ATP11A: variants seen among roughly 807,000 people sequenced by gnomAD.
ATP11A encodes ATPase phospholipid transporting 11A, also known as phospholipid-transporting ATPase IH.
In ATP11A, 81 loss-of-function variants were observed where a neutral mutation model predicts 154.4. That is an observed-to-expected ratio of 0.52 (90% confidence interval 0.44 to 0.63). The LOEUF is 0.63. ATP11A is among the 30% of genes least tolerant of loss of function. ATP11A has a pLI of 0.00. For missense variants in ATP11A, 1,316 were observed against 1,474.3 expected (o/e 0.89, Z 1.76); for synonymous variants, 623 against 585.9 (o/e 1.06, Z -0.91).
chr13:112,829,028 C>T (rs1476110217), intron 12 of ATP11A, among the ~76,000 whole-genome samples: 3 of 152,232 alleles, frequency 2.0e-5, no homozygotes, highest in Admixed American at 2.0e-4. Context: ...CTTTATGCAC[C>T]TTCTCTGTAT....
intron 12 of ATP11A, among the ~76,000 whole-genome samples, chr13:112,827,567 C>T (rs2078965205): frequency 6.6e-6 from 1 of 152,244 alleles, no homozygotes; most frequent in Non-Finnish European, 1.5e-5. Flanking sequence ...CCCTGGGTTT[C>T]CCCAGCCTAG....
intron 14 of ATP11A, 101 bp downstream of exon 14, chr13:112,833,124 C>T (rs539700776): frequency 6.3e-6 from 9 of 1,432,358 alleles, no homozygotes; most frequent in African/African-American, 5.6e-5. Flanking sequence ...TCAGCCCCAC[C>T]CTGTGCCCTC....
At chr13:112,731,549 A>G (rs1890483627) in intron 1 of ATP11A, among the ~76,000 whole-genome samples, 1 of 152,150 alleles carries the variant, frequency 6.6e-6, no homozygotes, top group Non-Finnish European at 1.5e-5. Context: ...TAAAGTTTTA[A>G]GTGTGACGAT....
intron 2 of ATP11A, among the ~76,000 whole-genome samples, chr13:112,786,876 C>T (rs1033208353): frequency 2.0e-5 from 3 of 152,358 alleles, no homozygotes; most frequent in African/African-American, 7.2e-5. Flanking sequence ...ACCAAGTGTC[C>T]TGATGTGTAG....
chr13:112,877,371 TTA>T (rs1290939538), intron 28 of ATP11A, among the ~76,000 whole-genome samples: 4 of 152,222 alleles, frequency 2.6e-5, no homozygotes, highest in African/African-American at 9.7e-5. Context: ...CGGTCCTTGG[TTA>T]CTGAGCTCTT....
intron 10 of ATP11A, 82 bp downstream of exon 10, chr13:112,824,507 T>A (rs2078882836): frequency 7.9e-7 from 1 of 1,270,596 alleles, no homozygotes; most frequent in African/African-American, 1.5e-5. Context: ...CCTCTTGGCC[T>A]TATTGGCAGT....
chr13:112,846,778 G>T (rs1457117990), intron 17 of ATP11A, among the ~76,000 whole-genome samples: 2 of 152,186 alleles, frequency 1.3e-5, no homozygotes, highest in East Asian at 3.9e-4. Flanking sequence ...TTGTTCTGGG[G>T]TGTGGCTGAG....
chr13:112,785,063 G>GGC lies in ATP11A; in HGVS notation c.40-71_40-70dup. On this transcript the variant is annotated intron_variant, in intron 1 of 29. Coordinates refer to ENST00000375645, the MANE Select transcript of ATP11A (RefSeq NM_015205.3). The surrounding 1 kb of genome is among the most constrained non-coding windows in gnomAD (Gnocchi z 4.8). ...CTCCGTTCCGACGAACGTGCCTCAAGGCAACACTCTGGGCAAGAGCTTTTG... is the reference window on the plus strand; with the variant it reads ...CTCCGTTCCGACGAACGTGCCTCAAGGCGCAACACTCTGGGCAAGAGCTTTTG... 1 of 1,375,142 alleles carries GGC rather than the reference G, an allele frequency of 7.3e-7. No homozygotes were observed. Among genetic ancestry groups the GGC allele is most frequent in the Non-Finnish European group, 9.5e-7 (1 of 1,055,098 alleles). 85.2% of individuals were successfully genotyped at this position (1,375,142 alleles called of 1,614,324 possible). A position where few individuals can be genotyped will look rare whatever the true frequency, so the allele number is the denominator to read the frequency against.
intron 2 of ATP11A, among the ~76,000 whole-genome samples, chr13:112,786,816 A>G (rs915251572): frequency 1.1e-4 from 17 of 152,284 alleles, no homozygotes; most frequent in Non-Finnish European, 8.8e-5. Flanking sequence ...CATTTAATTT[A>G]CATTGGGTGT....
At position 112,871,735 on chromosome 13, in the gene ATP11A, A is replaced by T. The variant is rs778261271; in HGVS notation, c.2992A>T (p.Ile998Leu). ...GACTTGGACTATTTTCCCCAAACAG[A>T]TATTTGGAAACTGGACGTTTGGAAC... ...ENTTVTSNGQ[I>L]FGNWTFGTLV... The change falls in exon 26 of 30, where the codon ATA (isoleucine) becomes TTA (leucine). Residue 998 changes from isoleucine (I) to leucine (L), a missense_variant and splice_region_variant. Around this residue, in one of 5 missense-constraint regions of ATP11A, gnomAD observed 294 missense variants for 290.2 expected, o/e 1.01. Transcript: ENST00000375645. The T allele has an allele frequency of 6.2e-7, 1 of 1,613,584 alleles. No individual in the cohort carries two copies. Among genetic ancestry groups the T allele is most frequent in the South Asian group, 1.1e-5 (1 of 91,084 alleles).
At chr13:112,834,120 G>A (rs964098750) in intron 14 of ATP11A, among the ~76,000 whole-genome samples, 6 of 152,372 alleles carry the variant, frequency 3.9e-5, no homozygotes, top group East Asian at 1.9e-4. Flanking sequence ...GTGCACCCAC[G>A]TGCTGGCTGA....
Position 112,810,672 on chromosome 13 carries a change from T to A in ATP11A, c.387T>A (p.Pro129=). ...HKADNAMNQC[P]VHFIQHGKLV... ...CAGACAATGCCATGAACCAGTGTCCTGTTCATTTCATTCAGCACGGCAAGC... is the reference window on the plus strand; with the variant it reads ...CAGACAATGCCATGAACCAGTGTCCAGTTCATTTCATTCAGCACGGCAAGC... The change falls in exon 5 of 30, where the codon CCT becomes CCA. Residue 129 remains proline (P), a synonymous_variant. Coordinates refer to ENST00000375645, the MANE Select transcript of ATP11A (RefSeq NM_015205.3). 3 of 1,614,220 alleles carry A rather than the reference T, an allele frequency of 1.9e-6. No individual in the cohort carries two copies.
rs2140223604 is a variant in ATP11A, at chr13:112,825,501, A to G, written c.944A>G (p.Lys315Arg). 1.2e-6 allele frequency: 2 copies of G among 1,614,028 alleles called. No individual in the cohort carries two copies. The highest frequency in any genetic ancestry group is 2.2e-5 in the East Asian group (1 of 44,888). Residue 315 changes from lysine to arginine, a missense_variant, in exon 11 of 30, where the codon AAA (lysine) becomes AGA (arginine). Lys to Arg is a conservative substitution (Grantham distance 26). Transcript: ENST00000375645. Reference sequence around the variant, plus strand: ...AAAGCCCTGATAAACACTGTGCTGAAATACATGTGGCAGAGTGAGCCCTTT... The same window carrying G: ...AAAGCCCTGATAAACACTGTGCTGAGATACATGTGGCAGAGTGAGCCCTTT... ...ISKALINTVL[K>R]YMWQSEPFRD...
At chr13:112,824,964 G>A (rs1287662054) in intron 10 of ATP11A, among the ~76,000 whole-genome samples, 1 of 152,164 alleles carries the variant, frequency 6.6e-6, no homozygotes, top group African/African-American at 2.4e-5. Flanking sequence ...CTGTACTGAG[G>A]ACACTTCCTT....
At chr13:112,854,141 T>A (rs1304591838) in intron 18 of ATP11A, 138 bp from the exon 19 acceptor site, 2 of 1,163,498 alleles carry the variant, frequency 1.7e-6, no homozygotes, top group African/African-American at 3.1e-5. Context: ...GGTGAGATCA[T>A]GAGCCACAGT....
chr13:112,750,402 G>A (rs527386852), intron 1 of ATP11A, among the ~76,000 whole-genome samples: 10 of 34,852 alleles, frequency 2.9e-4, no homozygotes, highest in Non-Finnish European at 3.4e-4. Context: ...TCTTAGGGAA[G>A]GAGAGTCTCC....
chr13:112,881,681 G>C, intron 29 of ATP11A, 195 bp from the exon 30 acceptor site: 1 of 1,246,852 alleles, frequency 8.0e-7, no homozygotes, highest in Non-Finnish European at 1.0e-6. Flanking sequence ...CTCAGGACGA[G>C]GGTGTGTCCT....
chr13:112,700,504 C>T (rs557341628), intron 1 of ATP11A, among the ~76,000 whole-genome samples: 7 of 152,328 alleles, frequency 4.6e-5, no homozygotes, highest in Admixed American at 2.0e-4. Flanking sequence ...ACAGGGCAGC[C>T]AGGTCTCATT....
At chr13:112,707,300 A>AC (rs1887244428) in intron 1 of ATP11A, among the ~76,000 whole-genome samples, 2 of 151,790 alleles carry the variant, frequency 1.3e-5, no homozygotes, top group Non-Finnish European at 2.9e-5. Flanking sequence ...CTGTAATCCC[A>AC]CCTACTCAGG....
Sources: allele counts gnomAD v4.1 joint callset (sites outside exome capture counted in the v4.1 genomes callset), GRCh38; gene constraint gnomAD v4.1.1; regional missense constraint gnomAD v4.1.1; non-coding constraint Gnocchi (gnomAD v3.1); transcripts MANE v1.5; gene names NCBI Gene and HGNC (gene_info 2026-07-23, HGNC 2026-07-21).